The following PLCG2 variants were observed in gnomAD, a reference collection of about 807,000 sequenced individuals.
PLCG2 encodes the protein phospholipase C gamma 2, also known as 1-phosphatidylinositol 4,5-bisphosphate phosphodiesterase gamma-2.
PLCG2 carries 69 observed loss-of-function variants against 175.6 expected under a neutral mutation model. The ratio of observed to expected loss-of-function variants is 0.39; its 90% CI spans 0.32 to 0.48. The LOEUF is 0.48. Ranked by LOEUF, PLCG2 falls within the 20% of genes least tolerant of loss-of-function variation. PLCG2 has a pLI of 0.91. For missense variants in PLCG2, 1,798 were observed against 1,650.9 expected (o/e 1.09, Z -1.54); for synonymous variants, 827 against 624.0 (o/e 1.33, Z -4.85).
At chr16:81,923,623 G>A (rs760021484) in intron 22 of PLCG2, 29 bp downstream of exon 22, 6 of 1,364,744 alleles carry the variant, frequency 4.4e-6, no homozygotes, top group Admixed American at 1.7e-5. Flanking sequence ...TGGGCTGCTC[G>A]GCAGGTGGGC....
chr16:81,955,081 C>G (rs1047030538), intron 31 of PLCG2, among the ~76,000 whole-genome samples: 6 of 152,132 alleles, frequency 3.9e-5, no homozygotes, highest in African/African-American at 7.2e-5. Context: ...CTGACTCTTC[C>G]CAATGCCTCA....
At chr16:81,792,011 C>T (rs2143202683) in intron 2 of PLCG2, among the ~76,000 whole-genome samples, 1 of 152,278 alleles carries the variant, frequency 6.6e-6, no homozygotes, top group South Asian at 2.1e-4. Flanking sequence ...AGCTCAGCTT[C>T]AAGGAAAGGA....
At chr16:81,892,366 G>A (rs568458003) in intron 11 of PLCG2, among the ~76,000 whole-genome samples, 22 of 152,296 alleles carry the variant, frequency 1.4e-4, no homozygotes, top group South Asian at 4.1e-4. Context: ...AGGATGTTGC[G>A]CTGATGTTCC....
intron 2 of PLCG2, among the ~76,000 whole-genome samples, chr16:81,790,089 T>C (rs1217097794): frequency 1.3e-5 from 2 of 152,156 alleles, no homozygotes; most frequent in Non-Finnish European, 2.9e-5. Flanking sequence ...GAAATAACAT[T>C]GGTGTCTACC....
At chr16:81,928,674 G>C (rs940577883) in intron 24 of PLCG2, 50 bp downstream of exon 24, 2 of 1,282,140 alleles carry the variant, frequency 1.6e-6, no homozygotes, top group Non-Finnish European at 1.1e-6. Flanking sequence ...ATCCCCCATG[G>C]GCTGACCTCA....
At chr16:81,901,062 C>G (rs537192957) in intron 14 of PLCG2, among the ~76,000 whole-genome samples, 6 of 152,374 alleles carry the variant, frequency 3.9e-5, no homozygotes, top group African/African-American at 1.4e-4. Flanking sequence ...ATGCGTGCAA[C>G]TGCGCCTGTC....
At chr16:81,819,616 G>T (rs538823853) in intron 2 of PLCG2, among the ~76,000 whole-genome samples, 2 of 152,086 alleles carry the variant, frequency 1.3e-5, no homozygotes. Flanking sequence ...ACCAAGCTTC[G>T]CTCTTTCGCC....
rs543434766 is a variant in PLCG2, at chr16:81,856,344, G to A, written c.337+1757G>A. On this transcript the variant is annotated intron_variant, in intron 3 of 32. Transcript: ENST00000564138. ...GAGATGAGGCACAGAGTAGGGTTAA[G>A]TAACCTCCTGAATGTTACACAGCCC... Among the ~76,000 whole-genome samples the A allele has an allele frequency of 2.0e-3, 300 of 152,322 alleles. 1 individual carries two copies. Among genetic ancestry groups the A allele is most frequent in the African/African-American group, 7.0e-3 (290 of 41,562 alleles).
intron 2 of PLCG2, among the ~76,000 whole-genome samples, chr16:81,810,616 T>C (rs1904309509): frequency 1.3e-5 from 2 of 148,870 alleles, no homozygotes; most frequent in South Asian, 4.2e-4. Flanking sequence ...TGCCGTCCAC[T>C]TAGTGCCTTA....
In PLCG2 at chr16:81,869,408, C is replaced by G. The variant is rs1907404293; in HGVS notation, c.564+110C>G. On this transcript the variant is annotated intron_variant, in intron 6 of 32. Coordinates refer to ENST00000564138, the MANE Select transcript of PLCG2 (RefSeq NM_002661.5). ...CCGTGGAATAGTGCACAAGAAAATC[C>G]TTTGCCTCCAGAGTACATCTTAGTT... is the stretch of plus-strand genomic sequence containing the variant. 9.2e-6 allele frequency: 7 copies of G among 764,978 alleles called. No individual in the cohort carries two copies. In the East Asian group the frequency reaches 1.2e-4, roughly 13 times the overall value. 47.4% of individuals were successfully genotyped at this position (764,978 alleles called of 1,614,324 possible).
chr16:81,742,163 G>T (rs1036094311), intron 1 of PLCG2, among the ~76,000 whole-genome samples: 1 of 137,374 alleles, frequency 7.3e-6, no homozygotes, highest in African/African-American at 2.7e-5. Flanking sequence ...GCGGGGGGGG[G>T]GGCGGTGTTG....
chr16:81,808,294 G>A (rs1357521074), intron 2 of PLCG2, among the ~76,000 whole-genome samples: 1 of 152,072 alleles, frequency 6.6e-6, no homozygotes, highest in Admixed American at 6.6e-5. Context: ...GGCTGTTTTG[G>A]AGGCAAACCC....
At chr16:81,887,944 C>A (rs538879320) in intron 9 of PLCG2, among the ~76,000 whole-genome samples, 1 of 152,136 alleles carries the variant, frequency 6.6e-6, no homozygotes, top group South Asian at 2.1e-4. Context: ...ATATTTCAGA[C>A]GTTATCAGTG....
upstream of PLCG2, among the ~76,000 whole-genome samples, chr16:81,776,101 T>TTTTTTCTTTCTTTCTTTCTTTCTTTC (rs1910398191): frequency 9.0e-5 from 5 of 55,364 alleles, 1 homozygote; most frequent in East Asian, 1.7e-3. Context: ...TTCTTTCTTT[T>TTTTTTCTTTCTTTCTTTCTTTCTTTC]TTTCCTTCTT....
chr16:81,906,083 TTAA>T (rs5818360), intron 15 of PLCG2: 112,016 of 151,924 alleles, frequency 0.74, 42,008 homozygotes, highest in East Asian at 0.97. Flanking sequence ...CCAAATATTA[TTAA>T]TAACATCCTA....
chr16:81,891,654 G>A, intron 11 of PLCG2, 64 bp downstream of exon 11: 1 of 920,962 alleles, frequency 1.1e-6, no homozygotes. Flanking sequence ...TGAGGCAGGG[G>A]TCCGATACGC....
chr16:81,742,095 A>G (rs938108300), intron 1 of PLCG2, among the ~76,000 whole-genome samples: 63 of 146,142 alleles, frequency 4.3e-4, no homozygotes, highest in African/African-American at 1.6e-3. Flanking sequence ...CATGTGCTCA[A>G]CATTTAAACA....
At chr16:81,805,499 A>G (rs1257285644) in intron 2 of PLCG2, among the ~76,000 whole-genome samples, 1 of 138,416 alleles carries the variant, frequency 7.2e-6, no homozygotes, top group Non-Finnish European at 1.5e-5. Flanking sequence ...ACTCCATCTC[A>G]GAAAAAAAAA....
intron 2 of PLCG2, among the ~76,000 whole-genome samples, chr16:81,831,162 GT>G (rs1905244332): frequency 6.6e-6 from 1 of 152,140 alleles, no homozygotes; most frequent in Admixed American, 6.5e-5. Context: ...CTTTGGTTTA[GT>G]TTTTGTAGCA....
Sources: gnomAD v4.1 joint callset for allele counts (sites outside exome capture counted in the v4.1 genomes callset) on GRCh38, gnomAD v4.1.1 for gene constraint, MANE v1.5 for transcripts, NCBI Gene and HGNC (gene_info 2026-07-23, HGNC 2026-07-21) for gene names.